The following DSCAM variants were observed in gnomAD, a reference collection of about 807,000 sequenced individuals.
The protein encoded by DSCAM is DS cell adhesion molecule, also known as cell adhesion molecule DSCAM.
In DSCAM, 47 loss-of-function variants were observed where a neutral mutation model predicts 217.7. The observed-to-expected ratio is 0.22, with a 90% CI of 0.17 to 0.28. DSCAM has a LOEUF of 0.28. DSCAM is among the 10% of genes least tolerant of loss of function. The pLI is 1.00. For synonymous variants in DSCAM, 1,056 were observed against 1,015.3 expected (o/e 1.04, Z -0.76); for missense variants, 2,080 against 2,618.3 (o/e 0.79, Z 4.49).
intron 15 of DSCAM, 146 bp from the exon 16 acceptor site, chr21:40,167,434 A>C (rs1212504709): frequency 1.5e-6 from 1 of 651,482 alleles, no homozygotes; most frequent in African/African-American, 1.8e-5. Context: ...GGAAATGTCA[A>C]TTTTGTAGAA....
chr21:40,344,922 T>C (rs1415610790), intron 6 of DSCAM, among the ~76,000 whole-genome samples: 1 of 152,220 alleles, frequency 6.6e-6, no homozygotes, highest in South Asian at 2.1e-4. Context: ...TATCTGATGA[T>C]GTCCTACTTG....
chr21:40,684,241 A>G (rs2090450225), intron 3 of DSCAM, among the ~76,000 whole-genome samples: 1 of 152,132 alleles, frequency 6.6e-6, no homozygotes, highest in Admixed American at 6.5e-5. Context: ...AGAAAAAAGA[A>G]AAAAGAAACC....
intron 3 of DSCAM, among the ~76,000 whole-genome samples, chr21:40,456,650 TAC>T (rs2075766017): frequency 6.6e-6 from 1 of 151,642 alleles, no homozygotes; most frequent in African/African-American, 2.4e-5. Flanking sequence ...TGAAGTGCAA[TAC>T]ACTTCACAAT....
intron 1 of DSCAM, among the ~76,000 whole-genome samples, chr21:40,754,407 G>A (rs2091256113): frequency 6.6e-6 from 1 of 152,184 alleles, no homozygotes; most frequent in African/African-American, 2.4e-5. Context: ...GTTGGTTTCA[G>A]GAAACACAGG....
At chr21:40,240,725 C>T (rs896458974) in intron 11 of DSCAM, among the ~76,000 whole-genome samples, 4 of 152,076 alleles carry the variant, frequency 2.6e-5, no homozygotes, top group African/African-American at 7.2e-5. Context: ...TATTGGATTC[C>T]TCCTCTACAT....
intron 3 of DSCAM, among the ~76,000 whole-genome samples, chr21:40,460,911 A>C (rs2075800604): frequency 6.6e-6 from 1 of 152,244 alleles, no homozygotes; most frequent in Admixed American, 6.5e-5. Context: ...TCACACGTTT[A>C]AAGTGTATAT....
chr21:40,447,481 A>G (rs780121795), intron 3 of DSCAM, among the ~76,000 whole-genome samples: 2 of 152,228 alleles, frequency 1.3e-5, no homozygotes, highest in Non-Finnish European at 2.9e-5. Flanking sequence ...CCAAGGCTAT[A>G]GTGTGTAAGA....
chr21:40,129,505 T>C (rs1426772220), intron 19 of DSCAM, among the ~76,000 whole-genome samples: 1 of 152,214 alleles, frequency 6.6e-6, no homozygotes, highest in African/African-American at 2.4e-5. Flanking sequence ...ACTGGGCCTC[T>C]TGCTTACCAC....
chr21:40,148,899 C>T (rs1467509346), intron 16 of DSCAM, among the ~76,000 whole-genome samples: 2 of 152,138 alleles, frequency 1.3e-5, no homozygotes, highest in African/African-American at 2.4e-5. Context: ...ATCACTTCTT[C>T]CAACTTTACC....
intron 3 of DSCAM, among the ~76,000 whole-genome samples, chr21:40,637,542 C>CATATATATAAATATATACATATATAA (rs1568954973): frequency 6.1e-4 from 12 of 19,800 alleles, no homozygotes; most frequent in African/African-American, 1.5e-3. Flanking sequence ...TACATATATA[C>CATATATATAAATATATACATATATAA]ATATATATAA....
At chr21:40,520,319 A>G (rs557699208) in intron 3 of DSCAM, among the ~76,000 whole-genome samples, 1 of 152,306 alleles carries the variant, frequency 6.6e-6, no homozygotes, top group East Asian at 1.9e-4. Flanking sequence ...ATTCTCTGCA[A>G]TAATTATAGC....
At chr21:40,477,332 G>C (rs549730189) in intron 3 of DSCAM, among the ~76,000 whole-genome samples, 69 of 152,100 alleles carry the variant, frequency 4.5e-4, no homozygotes, top group Admixed American at 1.0e-3. Context: ...TAGGAAAAAG[G>C]AGATACCATG....
intron 3 of DSCAM, among the ~76,000 whole-genome samples, chr21:40,636,857 C>A (rs764881159): frequency 6.7e-6 from 1 of 149,606 alleles, no homozygotes; most frequent in Non-Finnish European, 1.5e-5. Flanking sequence ...TCAGTGTTCC[C>A]GGATCAGAGA....
chr21:40,379,307 A>T (rs1260736024), intron 3 of DSCAM, among the ~76,000 whole-genome samples: 1 of 152,244 alleles, frequency 6.6e-6, no homozygotes, highest in East Asian at 1.9e-4. Context: ...AAAAGATGTC[A>T]GTGGGTGGTG....
chr21:40,188,733 A>T (rs1315320771), intron 12 of DSCAM, among the ~76,000 whole-genome samples: 5 of 151,956 alleles, frequency 3.3e-5, no homozygotes, highest in Admixed American at 6.6e-5. Context: ...TGCACACAGC[A>T]TAGGCCATCA....
At chr21:40,055,183 C>T (rs974284962) in intron 29 of DSCAM, among the ~76,000 whole-genome samples, 26 of 152,104 alleles carry the variant, frequency 1.7e-4, no homozygotes, top group African/African-American at 2.7e-4. Context: ...TGGTGTTTTT[C>T]CCAAAGTGCT....
chr21:40,389,746 T>C (rs1256683627), intron 3 of DSCAM, among the ~76,000 whole-genome samples: 2 of 152,194 alleles, frequency 1.3e-5, no homozygotes, highest in Admixed American at 6.5e-5. Flanking sequence ...AATCTTCATG[T>C]ACACTGGCCG....
intron 3 of DSCAM, among the ~76,000 whole-genome samples, chr21:40,488,637 AAG>A (rs1466135976): frequency 6.6e-6 from 1 of 152,216 alleles, no homozygotes; most frequent in Admixed American, 6.5e-5. Context: ...CCACTGTGAC[AAG>A]GGTTCCCTTG....
At chr21:40,840,529 A>G (rs1033613803) in intron 1 of DSCAM, among the ~76,000 whole-genome samples, 4 of 152,176 alleles carry the variant, frequency 2.6e-5, no homozygotes, top group African/African-American at 4.8e-5. Context: ...GGATGAAATT[A>G]TTGTCTGTGA....
Sources: gnomAD v4.1 joint callset for allele counts (sites outside exome capture counted in the v4.1 genomes callset) on GRCh38, gnomAD v4.1.1 for gene constraint, MANE v1.5 for transcripts, NCBI Gene and HGNC (gene_info 2026-07-23, HGNC 2026-07-21) for gene names.